The following FAT1 variants were observed in gnomAD, a reference collection of about 807,000 sequenced individuals.
The protein encoded by FAT1 is protocadherin Fat 1.
Under a neutral mutation model 329.8 loss-of-function variants are expected in FAT1, and 171 were observed. The ratio of observed to expected loss-of-function variants is 0.52; its 90% CI spans 0.46 to 0.59. FAT1 has a LOEUF of 0.59. FAT1 is among the 20% of genes least tolerant of loss of function. The probability of loss-of-function intolerance (pLI) is 0.00; values close to 1 mark genes in which losing one functional copy is unlikely to be tolerated. For missense variants in FAT1, 5,672 were observed against 5,774.4 expected (o/e 0.98, Z 0.57); for synonymous variants, 2,233 against 2,228.6 (o/e 1.00, Z -0.06).
At chr4:186,687,869 T>A (rs1048131169) in intron 2 of FAT1, among the ~76,000 whole-genome samples, 2 of 152,188 alleles carry the variant, frequency 1.3e-5, no homozygotes, top group Non-Finnish European at 2.9e-5. Flanking sequence ...TTTCTGTTCA[T>A]CATTTTTACA....
chr4:186,625,643 TGAA>T (rs1280390816), intron 9 of FAT1, among the ~76,000 whole-genome samples: 1 of 152,274 alleles, frequency 6.6e-6, no homozygotes, highest in African/African-American at 2.4e-5. Context: ...AAACTCATTA[TGAA>T]GAAGACTGAA....
At chr4:186,682,966 C>G (rs1299285500) in intron 2 of FAT1, among the ~76,000 whole-genome samples, 1 of 152,178 alleles carries the variant, frequency 6.6e-6, no homozygotes, top group Admixed American at 6.5e-5. Flanking sequence ...CAGGGTCACT[C>G]CCGTGTAAGG....
chr4:186,645,239 A>G (rs1170345595), intron 3 of FAT1, among the ~76,000 whole-genome samples: 1 of 151,460 alleles, frequency 6.6e-6, no homozygotes, highest in Non-Finnish European at 1.5e-5. Flanking sequence ...ACCCTAAATT[A>G]TGAGTTATTT....
Position 186,600,120 on chromosome 4 carries a change from T to C in FAT1, c.11881A>G (p.Thr3961Ala), listed in dbSNP as rs1193807891. The stretch of plus-strand genomic sequence containing the variant: ...ACTTGAGGACTTCTTCCATGCCTTG[T>C]TCCCTGCTGACGGATGTGGCCACCA... ...FFGGHIRQQG[T>A]RHGRSPQVGN... Residue 3961 changes from threonine (T) to alanine (A), a missense_variant, in exon 22 of 27, where the codon ACA (threonine) becomes GCA (alanine). Physicochemically the swap from Thr to Ala is moderately conservative, Grantham distance 58 (BLOSUM62 0). This residue lies in a region of FAT1 where 1,706 missense variants were observed against 1,859.1 expected (regional missense o/e 0.92). Transcript: ENST00000441802. 1.2e-6 allele frequency: 2 copies of C among 1,613,946 alleles called. No homozygotes were observed. Among genetic ancestry groups the C allele is most frequent in the Non-Finnish European group, 1.7e-6 (2 of 1,179,912 alleles).
chr4:186,601,670 G>A (rs1579298823), intron 20 of FAT1: 1 of 344,722 alleles, frequency 2.9e-6, no homozygotes, highest in East Asian at 4.4e-5. Context: ...AGTAATGAAA[G>A]ATTAAATATA....
chr4:186,712,905 C>T (rs1370905404), intron 1 of FAT1, among the ~76,000 whole-genome samples: 2 of 101,244 alleles, frequency 2.0e-5, no homozygotes, highest in South Asian at 4.0e-4. Context: ...AGAAAGAGAC[C>T]ACGTGGCTGG....
chr4:186,595,857 A>G lies in FAT1; in HGVS notation c.13001-31T>C, dbSNP rs758158462. 2.2e-5 allele frequency: 36 copies of G among 1,612,644 alleles called. 2 individuals are homozygous for G. In the Admixed American group the frequency reaches 2.7e-4, roughly 12 times the overall value. Reference sequence around the variant, plus strand: ...AGGAAGGATGACAAACAGTAAGTATATGGGCCAAGACGGTTTTGTTCACCG... The same window carrying G: ...AGGAAGGATGACAAACAGTAAGTATGTGGGCCAAGACGGTTTTGTTCACCG... On this transcript the variant is annotated intron_variant, in intron 25 of 26. Transcript: ENST00000441802.
rs1007584594 is a variant in FAT1 at position 186,609,805 on chromosome 4, A to G, written c.10064T>C (p.Ile3355Thr). ...SEDAVLEQSV[I>T]TVMADDADGP... ...TAATGGGGAAAAAATACACACCGTG[A>G]TGACAGACTGCTCAAGAACGGCATC... is the stretch of plus-strand genomic sequence containing the variant. Residue 3355 changes from isoleucine (I) to threonine (T), a missense_variant, in exon 15 of 27, where the codon ATC (isoleucine) becomes ACC (threonine). Coordinates refer to ENST00000441802, the MANE Select transcript of FAT1 (RefSeq NM_005245.4). 15 of 1,609,358 alleles carry G rather than the reference A, an allele frequency of 9.3e-6. No homozygotes were observed. The East Asian group carries it at 2.9e-4, about 31-fold the overall frequency.
At chr4:186,697,493 A>G (rs888871943) in intron 2 of FAT1, among the ~76,000 whole-genome samples, 1 of 152,190 alleles carries the variant, frequency 6.6e-6, no homozygotes, top group African/African-American at 2.4e-5. Flanking sequence ...GGGAGACAGA[A>G]CATCTGATGA....
chr4:186,609,327 C>T lies in FAT1; in HGVS notation c.10069-7G>A. The T allele has an allele frequency of 1.2e-6, 2 of 1,613,476 alleles. No homozygotes were observed. Among genetic ancestry groups the T allele is most frequent in the Non-Finnish European group, 1.7e-6 (2 of 1,179,664 alleles). ...CGGCATCATCGGCCATAACCTAGAA[C>T]ACACCACACTCCTGTTTAGGAGACA... On this transcript the variant is annotated splice_polypyrimidine_tract_variant and splice_region_variant and intron_variant, in intron 15 of 26. Transcript: ENST00000441802.
intron 2 of FAT1, among the ~76,000 whole-genome samples, chr4:186,691,492 T>C (rs1743759892): frequency 6.6e-6 from 1 of 152,166 alleles, no homozygotes; most frequent in Non-Finnish European, 1.5e-5. Flanking sequence ...AAATTTTTTG[T>C]TAGAAACAAG....
intron 2 of FAT1, among the ~76,000 whole-genome samples, chr4:186,689,000 A>C (rs1417559104): frequency 6.6e-6 from 1 of 152,244 alleles, no homozygotes; most frequent in Non-Finnish European, 1.5e-5. Flanking sequence ...AGGCCATTGA[A>C]ACAACAGAAA....
intron 2 of FAT1, among the ~76,000 whole-genome samples, chr4:186,668,826 A>AG (rs1280747861): frequency 6.6e-6 from 1 of 152,188 alleles, no homozygotes; most frequent in Non-Finnish European, 1.5e-5. Flanking sequence ...TTTAACACAG[A>AG]GAAAAACAAA....
At chr4:186,722,084 C>T (rs1745492452) in intron 1 of FAT1, among the ~76,000 whole-genome samples, 1 of 152,150 alleles carries the variant, frequency 6.6e-6, no homozygotes, top group Non-Finnish European at 1.5e-5. Flanking sequence ...GTGATCCGCC[C>T]GCCTCGACCT....
rs190853089 is a variant in FAT1, at chr4:186,604,577, G to A, written c.10351-3C>T. 828 of 1,598,534 alleles carry A rather than the reference G, an allele frequency of 5.2e-4. No homozygotes were observed. Among genetic ancestry groups the A allele is most frequent in the Non-Finnish European group, 5.9e-4 (693 of 1,172,406 alleles). The stretch of plus-strand genomic sequence containing the variant: ...CTGAAGCCCACTGGCTTATTTTCCT[G>A]CACAAGATTAGAAACAAAATTAAAC... On this transcript the variant is annotated splice_region_variant and splice_polypyrimidine_tract_variant and intron_variant, in intron 17 of 26. Coordinates refer to ENST00000441802, the MANE Select transcript of FAT1 (RefSeq NM_005245.4).
chr4:186,590,167 C>G (rs1260771083), intron 26 of FAT1, among the ~76,000 whole-genome samples: 1 of 150,288 alleles, frequency 6.7e-6, no homozygotes, highest in African/African-American at 2.4e-5. Flanking sequence ...TTTTTTCCTC[C>G]TTAGGATTTA....
rs1560916993 is a variant in FAT1 at position 186,595,758 on chromosome 4, T to C, written c.13069A>G (p.Ser4357Gly). Residue 4357 changes from serine (S) to glycine (G), a missense_variant, in exon 26 of 27, where the codon AGT becomes GGT. By Grantham distance (56) the Ser-to-Gly change is moderately conservative (BLOSUM62 0). Transcript: ENST00000441802. ...ACTTCAGACAGGCTTTCCCGGGCAC[T>C]GTATGGCTGGGAAGGCTTTTCCTCT... ...PLEEKPSQPY[S>G]ARESLSEVQS... 1 of 1,613,914 alleles carries C rather than the reference T, an allele frequency of 6.2e-7. No individual in the cohort carries two copies. The highest frequency in any genetic ancestry group is 8.5e-7 in the Non-Finnish European group (1 of 1,179,832).
At chr4:186,594,811 T>C (rs556985964) in intron 26 of FAT1, among the ~76,000 whole-genome samples, 3 of 151,016 alleles carry the variant, frequency 2.0e-5, no homozygotes, top group South Asian at 2.1e-4. Context: ...TTATGGACTA[T>C]ATTACTCTGG....
chr4:186,693,161 T>C (rs1743867026), intron 2 of FAT1, among the ~76,000 whole-genome samples: 1 of 152,220 alleles, frequency 6.6e-6, no homozygotes, highest in Non-Finnish European at 1.5e-5. Context: ...ACTTAAAGTA[T>C]CGTTATGTAA....
Sources: gnomAD v4.1 joint callset for allele counts (sites outside exome capture counted in the v4.1 genomes callset) on GRCh38, gnomAD v4.1.1 for gene constraint, gnomAD v4.1.1 regional missense constraint, MANE v1.5 for transcripts, NCBI Gene and HGNC (gene_info 2026-07-23, HGNC 2026-07-21) for gene names.